The following VPS13B variants were observed in gnomAD, a reference collection of about 807,000 sequenced individuals.
VPS13B encodes the protein intermembrane lipid transfer protein VPS13B.
In VPS13B, 285 loss-of-function variants were observed where a neutral mutation model predicts 426.4. The ratio of observed to expected loss-of-function variants is 0.67; its 90% CI spans 0.61 to 0.74. VPS13B has a LOEUF of 0.74. Ranked by LOEUF, VPS13B falls within the 30% of genes least tolerant of loss-of-function variation. The probability of loss-of-function intolerance (pLI) is 0.00; values close to 1 mark genes in which losing one functional copy is unlikely to be tolerated. For missense variants in VPS13B, 4,537 were observed against 4,782.6 expected (o/e 0.95, Z 1.51); for synonymous variants, 1,676 against 1,676.4 (o/e 1.00, Z 0.01).
At chr8:99,340,188 C>T (rs571973953) in intron 19 of VPS13B, 29 of 166,350 alleles carry the variant, frequency 1.7e-4, no homozygotes, top group African/African-American at 6.2e-4. Context: ...AGAGTCCCCA[C>T]GTGGTGTTGC....
At chr8:99,811,457 A>G (rs1377741084) in intron 44 of VPS13B, among the ~76,000 whole-genome samples, 2 of 152,130 alleles carry the variant, frequency 1.3e-5, no homozygotes, top group Non-Finnish European at 2.9e-5. Flanking sequence ...GTTAAAACAC[A>G]GATTGCTGGG....
At chr8:99,563,893 T>C (rs1040122447) in intron 31 of VPS13B, among the ~76,000 whole-genome samples, 17 of 152,230 alleles carry the variant, frequency 1.1e-4, no homozygotes, top group Non-Finnish European at 2.9e-5. Flanking sequence ...TGATGATTAA[T>C]CTTGACAGAC....
chr8:99,256,233 T>C (rs1043482086), intron 17 of VPS13B, among the ~76,000 whole-genome samples: 1 of 152,176 alleles, frequency 6.6e-6, no homozygotes, highest in South Asian at 2.1e-4. Context: ...GGTCTACATG[T>C]CCCTTCCTTT....
intron 3 of VPS13B, among the ~76,000 whole-genome samples, chr8:99,067,310 G>A (rs965482581): frequency 6.6e-6 from 1 of 152,130 alleles, no homozygotes; most frequent in Non-Finnish European, 1.5e-5. Flanking sequence ...ATACTATGCA[G>A]CCATAAAAAA....
At chr8:99,136,521 ATTC>A (rs1810077402) in intron 11 of VPS13B, 141 bp from the exon 12 acceptor site, 2 of 784,006 alleles carry the variant, frequency 2.6e-6, no homozygotes, top group Non-Finnish European at 4.3e-6. Flanking sequence ...TTAGAAGTAA[ATTC>A]TTGGAATAAC....
intron 5 of VPS13B, among the ~76,000 whole-genome samples, chr8:99,107,748 C>A (rs568108094): frequency 1.3e-5 from 2 of 152,224 alleles, no homozygotes; most frequent in South Asian, 4.1e-4. Flanking sequence ...TGTAAACATT[C>A]AGTTATGTTT....
chr8:99,640,049 G>GAAGA (rs1299280170), intron 33 of VPS13B, among the ~76,000 whole-genome samples: 99 of 99,690 alleles, frequency 9.9e-4, no homozygotes, highest in African/African-American at 3.1e-3. Flanking sequence ...AGAAGAAGAA[G>GAAGA]AGAAAAGAAA....
chr8:99,559,450 C>T (rs1824773387), intron 31 of VPS13B, among the ~76,000 whole-genome samples: 1 of 152,124 alleles, frequency 6.6e-6, no homozygotes, highest in Non-Finnish European at 1.5e-5. Flanking sequence ...GTTGCCATTG[C>T]TTTTGGTGTT....
intron 54 of VPS13B, among the ~76,000 whole-genome samples, chr8:99,837,745 G>A (rs1415231575): frequency 6.6e-6 from 1 of 152,134 alleles, no homozygotes; most frequent in African/African-American, 2.4e-5. Context: ...CATCTCCTCA[G>A]TAATATCCCA....
chr8:99,416,671 G>A (rs1051820152), intron 21 of VPS13B, among the ~76,000 whole-genome samples: 2 of 152,122 alleles, frequency 1.3e-5, no homozygotes, highest in South Asian at 4.1e-4. Flanking sequence ...GTTAGGGGAG[G>A]GCATTCCCTG....
intron 3 of VPS13B, among the ~76,000 whole-genome samples, chr8:99,047,818 G>A (rs1352438114): frequency 1.3e-5 from 2 of 152,236 alleles, no homozygotes; most frequent in South Asian, 2.1e-4. Context: ...CTCCCAAGTA[G>A]CTGGGACTAC....
intron 31 of VPS13B, among the ~76,000 whole-genome samples, chr8:99,568,817 GT>G (rs1208426365): frequency 3.4e-4 from 46 of 136,952 alleles, no homozygotes; most frequent in Middle Eastern, 3.7e-3. Context: ...TTGTTTTTTT[GT>G]TTTTTTTTTT....
At chr8:99,674,331 A>G (rs951021557) in intron 35 of VPS13B, among the ~76,000 whole-genome samples, 5 of 152,088 alleles carry the variant, frequency 3.3e-5, no homozygotes, top group Admixed American at 3.3e-4. Context: ...CTTTGTCATT[A>G]TATAGGACTT....
chr8:99,718,801 G>C (rs1833019546), intron 37 of VPS13B, among the ~76,000 whole-genome samples: 1 of 151,642 alleles, frequency 6.6e-6, no homozygotes, highest in African/African-American at 2.4e-5. Context: ...CGAGTACCCA[G>C]GACCACAAGC....
At chr8:99,666,175 T>C (rs957823682) in intron 35 of VPS13B, among the ~76,000 whole-genome samples, 1 of 152,234 alleles carries the variant, frequency 6.6e-6, no homozygotes, top group East Asian at 1.9e-4. Flanking sequence ...CCTGAAACTT[T>C]GCTGAAGTTG....
intron 21 of VPS13B, among the ~76,000 whole-genome samples, chr8:99,407,047 C>T (rs1815372260): frequency 6.6e-6 from 1 of 152,052 alleles, no homozygotes; most frequent in South Asian, 2.1e-4. Flanking sequence ...GCTTTGAAAA[C>T]CATATAGAGA....
chr8:99,797,340 A>G (rs1233221238), intron 43 of VPS13B, among the ~76,000 whole-genome samples: 1 of 152,072 alleles, frequency 6.6e-6, no homozygotes, highest in South Asian at 2.1e-4. Context: ...CCGGGGCTCA[A>G]GCGATCCTCC....
At chr8:99,383,552 ACAAT>A (rs1813950472) in intron 19 of VPS13B, among the ~76,000 whole-genome samples, 1 of 152,144 alleles carries the variant, frequency 6.6e-6, no homozygotes. Flanking sequence ...ACCAGGTTGT[ACAAT>A]CATTTTCTAA....
At chr8:99,132,895 A>AT (rs1036970904) in intron 8 of VPS13B, among the ~76,000 whole-genome samples, 48 of 151,930 alleles carry the variant, frequency 3.2e-4, no homozygotes, top group South Asian at 2.1e-4. Context: ...TCATTCAGTC[A>AT]TTTTTTTTCC....
Sources: gnomAD v4.1 joint callset for allele counts (sites outside exome capture counted in the v4.1 genomes callset) on GRCh38, gnomAD v4.1.1 for gene constraint, MANE v1.5 for transcripts, NCBI Gene and HGNC (gene_info 2026-07-23, HGNC 2026-07-21) for gene names.